Variants in CFAP36 observed in about 807,000 individuals in gnomAD.
CFAP36 encodes the protein cilia and flagella associated protein 36.
In CFAP36, 37 loss-of-function variants were observed where a neutral mutation model predicts 50.5. The observed-to-expected ratio is 0.73, with a 90% CI of 0.56 to 0.96. CFAP36 has a LOEUF of 0.96. CFAP36 is among the 50% of genes least tolerant of loss of function. The pLI, the probability that CFAP36 is intolerant of heterozygous loss-of-function variation, is 0.00. For missense variants in CFAP36, 407 were observed against 396.2 expected (o/e 1.03, Z -0.23); for synonymous variants, 138 against 128.2 (o/e 1.08, Z -0.52).
intron 2 of CFAP36, 78 bp downstream of exon 2, chr2:55,522,244 T>G: frequency 1.3e-6 from 1 of 746,892 alleles, no homozygotes; most frequent in Non-Finnish European, 2.1e-6. Flanking sequence ...AAGAAAAATA[T>G]TTTTACATTA....
At chr2:55,531,741 T>C (rs1684356903) in intron 4 of CFAP36, among the ~76,000 whole-genome samples, 1 of 152,172 alleles carries the variant, frequency 6.6e-6, no homozygotes, top group Non-Finnish European at 1.5e-5. Context: ...CAGGTCCTAT[T>C]GATTAGGATT....
rs557427363 is a variant in CFAP36, at chr2:55,544,053, G to A, written c.756G>A (p.Ala252=). The change falls in exon 8 of 10, where the codon GCG becomes GCA. Residue 252 remains alanine (A), a synonymous_variant. Coordinates refer to ENST00000349456, the MANE Select transcript of CFAP36 (RefSeq NM_080667.7). ...KDLKIPGLEH[A]SIEGPIANLS... ...TGAAGATTCCTGGCTTAGAGCATGC[G>A]AGCATTGAAGGACCAATAGCAGTAA... 2.5e-6 allele frequency: 4 copies of A among 1,613,802 alleles called. No individual in the cohort carries two copies. The highest frequency in any genetic ancestry group is 1.7e-6 in the Non-Finnish European group (2 of 1,179,938).
rs747658569 is a variant in CFAP36 at position 55,519,815 on chromosome 2, A to G, written c.14A>G (p.Glu5Gly). Residue 5 changes from glutamate to glycine, a missense_variant, in exon 1 of 10, where the codon GAA becomes GGA. Coordinates refer to ENST00000349456, the MANE Select transcript of CFAP36 (RefSeq NM_080667.7). The part of the protein sequence containing the change: MAAE[E>G]EDEVEWVVES... The stretch of plus-strand genomic sequence containing the variant: ...CTTTGGGGCGGGATGGCTGCGGAAG[A>G]AGAAGACGAGGTGGAGTGGGTAGTG... 1.9e-6 allele frequency: 3 copies of G among 1,614,208 alleles called. No homozygotes were observed. Among genetic ancestry groups the G allele is most frequent in the Non-Finnish European group, 2.5e-6 (3 of 1,180,030 alleles).
At chr2:55,524,784 C>A (rs1684160267) in intron 3 of CFAP36, among the ~76,000 whole-genome samples, 1 of 151,838 alleles carries the variant, frequency 6.6e-6, no homozygotes, top group South Asian at 2.1e-4. Context: ...GAGTTCGAGA[C>A]CAGCCTGACC....
chr2:55,545,032 TG>T lies in CFAP36; in HGVS notation c.*26del. 7.4e-7 allele frequency: 1 copy of T among 1,352,962 alleles called. No homozygotes were observed. Among genetic ancestry groups the T allele is most frequent in the Non-Finnish European group, 1.0e-6 (1 of 977,340 alleles). 83.8% of individuals were successfully genotyped at this position (1,352,962 alleles called of 1,614,324 possible). On this transcript the variant is annotated 3_prime_UTR_variant, in exon 10 of 10. Coordinates refer to ENST00000349456, the MANE Select transcript of CFAP36 (RefSeq NM_080667.7). ...AATAATTAAGAACAATTTAACAAAA[TG>T]GAAGTTCAAATTGTCTTAAAAATAA...
chr2:55,543,402 C>T (rs1311743023), intron 7 of CFAP36, among the ~76,000 whole-genome samples: 1 of 152,122 alleles, frequency 6.6e-6, no homozygotes, highest in Non-Finnish European at 1.5e-5. Flanking sequence ...TTTACATTTT[C>T]ATAATGCACT....
At chr2:55,520,314 G>T (rs1279537721) in intron 1 of CFAP36, 1 of 1,146,172 alleles carries the variant, frequency 8.7e-7, no homozygotes, top group South Asian at 1.7e-5. Context: ...GAGGAGAAGC[G>T]TCGGTTTACC....
At chr2:55,524,719 C>T (rs1333339971) in intron 3 of CFAP36, among the ~76,000 whole-genome samples, 4 of 152,064 alleles carry the variant, frequency 2.6e-5, no homozygotes, top group Non-Finnish European at 4.4e-5. Context: ...TAGTGGCTCA[C>T]GCCTGTAATC....
intron 7 of CFAP36, among the ~76,000 whole-genome samples, chr2:55,539,893 T>C (rs1001127550): frequency 2.0e-5 from 3 of 152,376 alleles, no homozygotes; most frequent in East Asian, 1.9e-4. Flanking sequence ...CATATGCTTG[T>C]CATCTATGTA....
chr2:55,523,351 G>A (rs1234029500), intron 2 of CFAP36, among the ~76,000 whole-genome samples: 1 of 152,022 alleles, frequency 6.6e-6, no homozygotes, highest in African/African-American at 2.4e-5. Flanking sequence ...GGAGGCAGAG[G>A]TTGCAGTGAG....
chr2:55,544,523 A>C (rs1219089119), intron 9 of CFAP36, among the ~76,000 whole-genome samples, 154 bp downstream of exon 9: 1 of 152,180 alleles, frequency 6.6e-6, no homozygotes. Context: ...TTTTCTAGGA[A>C]GTGAAATTGT....
chr2:55,535,893 C>G, intron 6 of CFAP36, 130 bp downstream of exon 6: 1 of 1,393,766 alleles, frequency 7.2e-7, no homozygotes, highest in South Asian at 1.5e-5. Flanking sequence ...AAATATTGAC[C>G]AATAATATTA....
intron 7 of CFAP36, chr2:55,539,054 C>A: frequency 3.5e-6 from 2 of 565,634 alleles, no homozygotes; most frequent in Non-Finnish European, 5.1e-6. Context: ...CCTAGCCTCT[C>A]CCATTATCGA....
At chr2:55,529,319 G>A (rs1684294239) in intron 4 of CFAP36, among the ~76,000 whole-genome samples, 1 of 152,022 alleles carries the variant, frequency 6.6e-6, no homozygotes, top group Non-Finnish European at 1.5e-5. Flanking sequence ...CTACTTGGGA[G>A]GCTGAGGCAG....
intron 3 of CFAP36, among the ~76,000 whole-genome samples, chr2:55,525,865 G>A (rs1684195405): frequency 6.6e-6 from 1 of 152,172 alleles, no homozygotes; most frequent in African/African-American, 2.4e-5. Flanking sequence ...GACCTCAGGC[G>A]ATCCACCCGC....
intron 2 of CFAP36, 61 bp downstream of exon 2, chr2:55,522,227 C>A: frequency 2.5e-6 from 2 of 812,462 alleles, no homozygotes; most frequent in South Asian, 2.0e-5. Flanking sequence ...TATAGCTTTT[C>A]TAAATGAAGA....
chr2:55,543,614 G>A (rs1684697121), intron 7 of CFAP36, among the ~76,000 whole-genome samples: 1 of 152,084 alleles, frequency 6.6e-6, no homozygotes, highest in African/African-American at 2.4e-5. Flanking sequence ...GGATTATGTG[G>A]CAATCTTATA....
intron 4 of CFAP36, among the ~76,000 whole-genome samples, chr2:55,532,737 A>G (rs1684385439): frequency 6.6e-6 from 1 of 152,272 alleles, no homozygotes; most frequent in Admixed American, 6.5e-5. Context: ...AGAGTAATAA[A>G]GCTACTTAAG....
chr2:55,520,351 C>A, intron 1 of CFAP36: 2 of 1,435,796 alleles, frequency 1.4e-6, no homozygotes, highest in Non-Finnish European at 1.9e-6. Flanking sequence ...CCTAGCATTT[C>A]GCCCGGTGTA....
Sources: allele counts gnomAD v4.1 joint callset (sites outside exome capture counted in the v4.1 genomes callset), GRCh38; gene constraint gnomAD v4.1.1; transcripts MANE v1.5; gene names NCBI Gene and HGNC (gene_info 2026-07-23, HGNC 2026-07-21).